PRKN: variants seen among roughly 807,000 people sequenced by gnomAD.
PRKN encodes E3 ubiquitin-protein ligase parkin.
In PRKN, 56 loss-of-function variants were observed where a neutral mutation model predicts 59.5. The ratio of observed to expected loss-of-function variants is 0.94; its 90% confidence interval spans 0.76 to 1.18. The LOEUF (loss-of-function observed/expected upper bound fraction) is 1.18, where lower values mean the gene tolerates loss of function less well. PRKN is among the 50% of genes most tolerant of loss of function. The pLI, the probability that PRKN is intolerant of heterozygous loss-of-function variation, is 0.00. For synonymous variants in PRKN, 250 were observed against 222.1 expected (o/e 1.13, Z -1.12); for missense variants, 657 against 596.4 (o/e 1.10, Z -1.06).
chr6:161,833,479 C>T (rs1792599951), intron 6 of PRKN, among the ~76,000 whole-genome samples: 1 of 152,298 alleles, frequency 6.6e-6, no homozygotes, highest in Non-Finnish European at 1.5e-5. Flanking sequence ...CTAGCTATAA[C>T]CTGATGCTGT....
chr6:161,495,986 C>T (rs1562486347), intron 9 of PRKN, among the ~76,000 whole-genome samples: 1 of 152,198 alleles, frequency 6.6e-6, no homozygotes, highest in Non-Finnish European at 1.5e-5. Flanking sequence ...TGTTGGTGTT[C>T]GTTCTAGACC....
At chr6:162,235,965 GAA>G (rs751590630) in intron 3 of PRKN, among the ~76,000 whole-genome samples, 2 of 93,602 alleles carry the variant, frequency 2.1e-5, no homozygotes, top group East Asian at 7.7e-4. Flanking sequence ...AAGGAAGAAA[GAA>G]AGAAAGAAAG....
rs1358485166 is a variant in PRKN at position 161,838,850 on chromosome 6, C to T, written c.735-52942G>A. On this transcript the variant is annotated intron_variant, in intron 6 of 11. Transcript: ENST00000366898. ...CAGTCATCTTGACAAGAGCAAGGACCGAGTTATAGGTCAAGGTAAGTGGCA... is the reference window on the plus strand; with the variant it reads ...CAGTCATCTTGACAAGAGCAAGGACTGAGTTATAGGTCAAGGTAAGTGGCA... 4.6e-5 allele frequency among the ~76,000 whole-genome samples: 7 copies of T among 152,248 alleles called. No homozygotes were observed. The East Asian group carries it at 7.8e-4, about 17-fold the overall frequency.
rs149222589 is a variant in PRKN at position 162,027,447 on chromosome 6, G to A, written c.618+26644C>T. Among the ~76,000 whole-genome samples the A allele has an allele frequency of 1.5e-3, 221 of 152,154 alleles. 2 individuals are homozygous for A. The highest frequency in any genetic ancestry group is 5.4e-3 in the South Asian group (26 of 4,818). ...ATTTCCACTTATTTTCAGTTCCTGC[G>A]AGTGCGACAAACCTCTGTATATTCT... is the stretch of plus-strand genomic sequence containing the variant. On this transcript the variant is annotated intron_variant, in intron 5 of 11. Coordinates refer to ENST00000366898, the MANE Select transcript of PRKN (RefSeq NM_004562.3).
At chr6:162,086,216 C>G (rs1215615968) in intron 4 of PRKN, among the ~76,000 whole-genome samples, 2 of 152,150 alleles carry the variant, frequency 1.3e-5, no homozygotes, top group Non-Finnish European at 2.9e-5. Context: ...AGTTGGCACT[C>G]AACTATCTTA....
At chr6:162,545,926 A>C (rs546003109) in intron 1 of PRKN, among the ~76,000 whole-genome samples, 150 of 152,246 alleles carry the variant, frequency 9.9e-4, no homozygotes, top group African/African-American at 3.5e-3. Flanking sequence ...GACTTAGTTC[A>C]GGGTTGTTCC....
intron 7 of PRKN, among the ~76,000 whole-genome samples, chr6:161,680,874 G>T (rs942261508): frequency 6.7e-6 from 1 of 149,414 alleles, no homozygotes; most frequent in African/African-American, 2.5e-5. Flanking sequence ...TAATACAACT[G>T]CAAAAAGTCA....
At chr6:162,612,030 GAA>G (rs370097730) in intron 1 of PRKN, among the ~76,000 whole-genome samples, 32 of 143,124 alleles carry the variant, frequency 2.2e-4, no homozygotes, top group African/African-American at 4.9e-4. Context: ...CTAAAAATAC[GAA>G]AAAAAAAAAA....
intron 1 of PRKN, among the ~76,000 whole-genome samples, chr6:162,663,008 C>T (rs1212931640): frequency 2.0e-5 from 3 of 152,106 alleles, no homozygotes; most frequent in Non-Finnish European, 4.4e-5. Flanking sequence ...CAGGGGGAAG[C>T]ATCTTGCACT....
intron 1 of PRKN, among the ~76,000 whole-genome samples, chr6:162,495,670 T>C (rs1322549456): frequency 6.6e-6 from 1 of 152,136 alleles, no homozygotes; most frequent in East Asian, 1.9e-4. Context: ...TCTCTGCCAG[T>C]GTCATCTTTC....
chr6:161,408,447 A>G (rs1446477990), intron 9 of PRKN, among the ~76,000 whole-genome samples: 1 of 150,614 alleles, frequency 6.6e-6, no homozygotes, highest in African/African-American at 2.4e-5. Context: ...TCCCATGTCC[A>G]GCCACGTGGG....
Position 162,063,937 on chromosome 6 carries a change from AC to A in PRKN, c.535-9764del, listed in dbSNP as rs576289131. On this transcript the variant is annotated intron_variant, in intron 4 of 11. Coordinates refer to ENST00000366898, the MANE Select transcript of PRKN (RefSeq NM_004562.3). Reference sequence around the variant, plus strand: ...GTCCAAGAAAAATGAAAATACACACACACACACAGAGCAACATAGACTCGTA... The same window carrying A: ...GTCCAAGAAAAATGAAAATACACACAACACACAGAGCAACATAGACTCGTA... Among the ~76,000 whole-genome samples, 964 of 152,306 alleles carry A rather than the reference AC, an allele frequency of 6.3e-3. 9 individuals are homozygous for A. The highest frequency in any genetic ancestry group is 0.022 in the African/African-American group (913 of 41,560).
At chr6:162,123,194 T>A (rs1360759188) in intron 4 of PRKN, among the ~76,000 whole-genome samples, 1 of 152,110 alleles carries the variant, frequency 6.6e-6, no homozygotes, top group African/African-American at 2.4e-5. Context: ...GGAATTCCTG[T>A]GGCAGCTCAT....
chr6:161,430,342 T>C (rs1387493943), intron 9 of PRKN, among the ~76,000 whole-genome samples: 1 of 152,194 alleles, frequency 6.6e-6, no homozygotes, highest in Non-Finnish European at 1.5e-5. Flanking sequence ...TTAACACTAT[T>C]ACACTGACAA....
rs73021248 is a variant in PRKN at position 161,352,397 on chromosome 6, C to T, written c.1286-2186G>A. ...GATCTGTGGAAAATAAAGGAGAAAA[C>T]TTACAACACTTTTATCTTCATACTT... On this transcript the variant is annotated intron_variant, in intron 11 of 11. Coordinates refer to ENST00000366898, the MANE Select transcript of PRKN (RefSeq NM_004562.3). The surrounding 1 kb of genome is among the most constrained non-coding windows in gnomAD (Gnocchi z 5.8). 0.11 allele frequency among the ~76,000 whole-genome samples: 17,193 copies of T among 152,126 alleles called. 1,179 individuals carry two copies. Among genetic ancestry groups the T allele is most frequent in the Middle Eastern group, 0.2 (59 of 294 alleles).
intron 5 of PRKN, among the ~76,000 whole-genome samples, chr6:161,977,541 G>GTTTTTTTTTTTTTTT (rs1562433349): frequency 2.0e-5 from 2 of 98,714 alleles, no homozygotes; most frequent in African/African-American, 9.2e-5. Context: ...CTGTTTTTTT[G>GTTTTTTTTTTTTTTT]GTTTTTTTTT....
intron 4 of PRKN, among the ~76,000 whole-genome samples, chr6:162,168,306 A>G (rs971007782): frequency 1.3e-5 from 2 of 152,034 alleles, no homozygotes; most frequent in Admixed American, 1.3e-4. Context: ...GTACACTTAA[A>G]GTTGGGTACT....
chr6:161,653,340 G>A (rs757374658), intron 7 of PRKN, among the ~76,000 whole-genome samples: 1 of 152,004 alleles, frequency 6.6e-6, no homozygotes, highest in Non-Finnish European at 1.5e-5. Flanking sequence ...CTCCAGCCTG[G>A]CAACAGAGTG....
At chr6:161,828,750 C>A (rs1366241136) in intron 6 of PRKN, among the ~76,000 whole-genome samples, 1 of 152,088 alleles carries the variant, frequency 6.6e-6, no homozygotes, top group East Asian at 1.9e-4. Context: ...AAAACCCCAT[C>A]TCTACTAAAA....
Sources: allele counts gnomAD v4.1 joint callset (sites outside exome capture counted in the v4.1 genomes callset), GRCh38; gene constraint gnomAD v4.1.1; non-coding constraint Gnocchi (gnomAD v3.1); transcripts MANE v1.5; gene names NCBI Gene and HGNC (gene_info 2026-07-23, HGNC 2026-07-21).